The following GABBR2 variants were observed in gnomAD, a reference collection of about 807,000 sequenced individuals.
GABBR2 encodes the protein gamma-aminobutyric acid type B receptor subunit 2.
A neutral mutation model predicts 105.6 loss-of-function variants in GABBR2; 23 were observed. That is an observed-to-expected ratio of 0.22 (90% confidence interval 0.16 to 0.31). The LOEUF (loss-of-function observed/expected upper bound fraction) is 0.31, where lower values mean the gene tolerates loss of function less well. Ranked by LOEUF, GABBR2 falls within the 10% of genes least tolerant of loss-of-function variation. GABBR2 has a pLI of 1.00. For synonymous variants in GABBR2, 478 were observed against 499.7 expected, an observed-to-expected ratio of 0.96 and a Z score of 0.58; for missense variants, 734 against 1,245.5, an observed-to-expected ratio of 0.59 and a Z score of 6.18.
chr9:98,698,458 T>A (rs1283177074), intron 1 of GABBR2, among the ~76,000 whole-genome samples: 3 of 151,824 alleles, frequency 2.0e-5, no homozygotes, highest in Non-Finnish European at 4.4e-5. Flanking sequence ...TTCAGACTCT[T>A]AAACTCCAGC....
chr9:98,698,404 C>G (rs1056310908), intron 1 of GABBR2, among the ~76,000 whole-genome samples: 6 of 152,094 alleles, frequency 3.9e-5, no homozygotes, highest in African/African-American at 1.4e-4. Flanking sequence ...ATGCCCCCAT[C>G]AGCCCAAAAA....
At chr9:98,611,073 T>C (rs891013875) in intron 1 of GABBR2, among the ~76,000 whole-genome samples, 2 of 152,156 alleles carry the variant, frequency 1.3e-5, no homozygotes, top group Admixed American at 1.3e-4. Flanking sequence ...CAAGTCTCCC[T>C]CTGTCCAGGG....
intron 13 of GABBR2, among the ~76,000 whole-genome samples, chr9:98,349,528 G>A (rs1488711503): frequency 6.6e-6 from 1 of 151,656 alleles, no homozygotes; most frequent in East Asian, 1.9e-4. Context: ...TAATTTTTTT[G>A]TATTTTCAGT....
intron 3 of GABBR2, among the ~76,000 whole-genome samples, chr9:98,533,639 C>A (rs898524819): frequency 6.6e-6 from 1 of 152,136 alleles, no homozygotes; most frequent in Non-Finnish European, 1.5e-5. Flanking sequence ...CATCCCCCAT[C>A]CAGTGACAGT....
chr9:98,451,421 C>T (rs1008707801), intron 7 of GABBR2, among the ~76,000 whole-genome samples: 5 of 152,210 alleles, frequency 3.3e-5, no homozygotes, highest in African/African-American at 1.2e-4. Context: ...TTCGCCAATA[C>T]ATTGTGGGAG....
chr9:98,385,495 G>C (rs1832056181), intron 11 of GABBR2, 145 bp downstream of exon 11: 1 of 669,936 alleles, frequency 1.5e-6, no homozygotes, highest in Non-Finnish European at 2.6e-6. Context: ...GTTCTTCCCT[G>C]TTGAGTTGAA....
At chr9:98,516,259 C>T (rs1930409) in intron 3 of GABBR2, 7,287 of 152,300 alleles carry the variant, frequency 0.048, 262 homozygotes, top group South Asian at 0.13. Flanking sequence ...GGATGCACTC[C>T]ACCTTCACCT....
intron 1 of GABBR2, chr9:98,581,220 G>C: frequency 6.6e-6 from 1 of 152,458 alleles, no homozygotes. Context: ...GAACACTTGA[G>C]ACGGGAATCG....
chr9:98,582,892 T>C (rs555844920), intron 1 of GABBR2, among the ~76,000 whole-genome samples: 1 of 152,216 alleles, frequency 6.6e-6, no homozygotes, highest in Non-Finnish European at 1.5e-5. Flanking sequence ...CACTCTCATT[T>C]TCAGATGCAG....
intron 1 of GABBR2, among the ~76,000 whole-genome samples, chr9:98,592,843 G>A (rs921196857): frequency 2.0e-5 from 3 of 152,206 alleles, no homozygotes; most frequent in Admixed American, 6.5e-5. Context: ...AGATGCGAGG[G>A]GTGAGACTGG....
At chr9:98,342,892 C>G (rs1160520781) in intron 13 of GABBR2, among the ~76,000 whole-genome samples, 3 of 152,206 alleles carry the variant, frequency 2.0e-5, no homozygotes, top group Admixed American at 6.5e-5. Context: ...CTTGGACAGG[C>G]TTTATGAAGA....
intron 13 of GABBR2, among the ~76,000 whole-genome samples, chr9:98,353,815 G>T (rs1831442133): frequency 6.7e-6 from 1 of 148,950 alleles, no homozygotes; most frequent in Non-Finnish European, 1.5e-5. Context: ...GTGGGGGGGG[G>T]TGGCGGAATT....
intron 13 of GABBR2, among the ~76,000 whole-genome samples, chr9:98,318,620 G>A (rs867066025): frequency 2.0e-5 from 3 of 152,230 alleles, no homozygotes; most frequent in Non-Finnish European, 2.9e-5. Context: ...GGCTCTTGGC[G>A]CGGGTCACTC....
chr9:98,691,810 C>G (rs928748303), intron 1 of GABBR2, among the ~76,000 whole-genome samples: 2 of 152,220 alleles, frequency 1.3e-5, no homozygotes, highest in African/African-American at 4.8e-5. Context: ...AAGGCCAGCT[C>G]AAAGGTTGCT....
chr9:98,388,842 AG>A lies in GABBR2; in HGVS notation c.1529+11del, dbSNP rs1832127652. On this transcript the variant is annotated intron_variant, in intron 10 of 18. Transcript: ENST00000259455. This position sits in a 1 kb window ranked among gnomAD's most constrained non-coding sequence, Gnocchi z 4.4. ...GAAAGTGATATCACAGAGGAGGACC[AG>A]GGTGGCTTACTTCTGATTCCGGTTC... 1 of 1,608,846 alleles carries A rather than the reference AG, an allele frequency of 6.2e-7. No homozygotes were observed. Among genetic ancestry groups the A allele is most frequent in the Non-Finnish European group, 8.5e-7 (1 of 1,176,210 alleles).
chr9:98,357,336 A>G (rs1289305564), intron 13 of GABBR2, among the ~76,000 whole-genome samples: 1 of 152,246 alleles, frequency 6.6e-6, no homozygotes, highest in Non-Finnish European at 1.5e-5. Flanking sequence ...TTAAGTAAGT[A>G]TAAATAAAAT....
intron 17 of GABBR2, among the ~76,000 whole-genome samples, chr9:98,294,104 T>C (rs1319002698): frequency 6.6e-6 from 1 of 152,128 alleles, no homozygotes; most frequent in African/African-American, 2.4e-5. Context: ...CAGTCAGGGA[T>C]GGAAGCAATG....
intron 2 of GABBR2, among the ~76,000 whole-genome samples, chr9:98,572,683 G>C (rs959529957): frequency 6.6e-6 from 1 of 152,130 alleles, no homozygotes; most frequent in African/African-American, 2.4e-5. Context: ...GAGTGAGAAG[G>C]AGGCAGGAAT....
At chr9:98,681,905 C>A (rs1449475551) in intron 1 of GABBR2, among the ~76,000 whole-genome samples, 1 of 152,130 alleles carries the variant, frequency 6.6e-6, no homozygotes, top group East Asian at 1.9e-4. Context: ...AGATATAAAT[C>A]CAGCTATGTG....
Sources: gnomAD v4.1 joint callset for allele counts (sites outside exome capture counted in the v4.1 genomes callset) on GRCh38, gnomAD v4.1.1 for gene constraint, Gnocchi (gnomAD v3.1) non-coding constraint, MANE v1.5 for transcripts, NCBI Gene and HGNC (gene_info 2026-07-23, HGNC 2026-07-21) for gene names.